The following CCDC149 variants were observed in gnomAD, a reference collection of about 807,000 sequenced individuals.
CCDC149 encodes the protein coiled-coil domain containing 149, also known as coiled-coil domain-containing protein 149.
In CCDC149, 45 loss-of-function variants were observed where a neutral mutation model predicts 59.9. The ratio of observed to expected loss-of-function variants is 0.75; its 90% CI spans 0.59 to 0.96. The LOEUF is 0.96. Among genes scored for constraint, CCDC149 ranks in the 40% least tolerant of loss-of-function variants. The probability of loss-of-function intolerance (pLI) is 0.00; values close to 1 mark genes in which losing one functional copy is unlikely to be tolerated. For synonymous variants in CCDC149, 245 were observed against 260.6 expected, an observed-to-expected ratio of 0.94 and a Z score of 0.58; for missense variants, 584 against 664.7, an observed-to-expected ratio of 0.88 and a Z score of 1.33.
intron 1 of CCDC149, among the ~76,000 whole-genome samples, chr4:24,898,284 G>C (rs150579080): frequency 4.2e-4 from 64 of 152,290 alleles, no homozygotes; most frequent in Non-Finnish European, 6.9e-4. Context: ...TTAACCGAGA[G>C]ACACAGGTAG....
chr4:24,965,864 C>T (rs1723780398), intron 1 of CCDC149, among the ~76,000 whole-genome samples: 2 of 152,336 alleles, frequency 1.3e-5, no homozygotes, highest in Middle Eastern at 3.4e-3. Flanking sequence ...GCGCAAAACC[C>T]CGCACGTTAT....
intron 1 of CCDC149, among the ~76,000 whole-genome samples, chr4:24,889,039 G>A (rs1308623091): frequency 6.6e-6 from 1 of 152,052 alleles, no homozygotes; most frequent in Non-Finnish European, 1.5e-5. Context: ...AAATTTAAGT[G>A]AGATTTCAGG....
intron 1 of CCDC149, among the ~76,000 whole-genome samples, chr4:24,891,768 G>A (rs1285515923): frequency 6.6e-6 from 1 of 152,158 alleles, no homozygotes; most frequent in African/African-American, 2.4e-5. Flanking sequence ...GGAGGCCAAG[G>A]CAGGAGGATT....
chr4:24,968,864 T>C (rs1406237255), intron 1 of CCDC149, among the ~76,000 whole-genome samples: 2 of 152,170 alleles, frequency 1.3e-5, no homozygotes, highest in Admixed American at 1.3e-4. Flanking sequence ...CACCAACCCA[T>C]TTGGGGGCAA....
intron 1 of CCDC149, among the ~76,000 whole-genome samples, chr4:24,888,224 T>C (rs1455224594): frequency 1.3e-5 from 2 of 152,348 alleles, no homozygotes; most frequent in East Asian, 3.9e-4. Context: ...GTGTGCTGAA[T>C]ACATATTTAA....
At chr4:24,841,003 A>G (rs1716900697) in intron 4 of CCDC149, among the ~76,000 whole-genome samples, 1 of 152,206 alleles carries the variant, frequency 6.6e-6, no homozygotes, top group African/African-American at 2.4e-5. Flanking sequence ...ATTTGTAGCA[A>G]AACTGGTCAT....
chr4:24,931,356 A>T (rs374128304), intron 1 of CCDC149, among the ~76,000 whole-genome samples: 4 of 141,484 alleles, frequency 2.8e-5, no homozygotes, highest in African/African-American at 1.2e-4. Context: ...AGGCTATGCC[A>T]CAGAGCAAAA....
At chr4:24,926,953 C>T (rs1281983700) in intron 1 of CCDC149, among the ~76,000 whole-genome samples, 3 of 152,166 alleles carry the variant, frequency 2.0e-5, no homozygotes, top group Admixed American at 6.5e-5. Flanking sequence ...ACAGGCAGCA[C>T]GGCTCCTAGT....
chr4:24,939,611 A>T (rs1174524923), intron 1 of CCDC149, among the ~76,000 whole-genome samples: 1 of 152,184 alleles, frequency 6.6e-6, no homozygotes, highest in Admixed American at 6.5e-5. Context: ...TAAAGGAGGA[A>T]GTTCAAACCA....
chr4:24,867,031 C>T (rs190207060), intron 3 of CCDC149, among the ~76,000 whole-genome samples: 126 of 152,170 alleles, frequency 8.3e-4, no homozygotes, highest in Admixed American at 2.7e-3. Context: ...GTCTAAGAAT[C>T]GAATATAGAA....
chr4:24,912,700 A>G (rs866028450), intron 1 of CCDC149, 117 bp downstream of exon 1: 1 of 663,116 alleles, frequency 1.5e-6, no homozygotes, highest in African/African-American at 1.9e-5. Flanking sequence ...AGCCGCGGCC[A>G]CTTGGAGTGC....
chr4:24,894,936 G>T, intron 1 of CCDC149: 3 of 1,532,900 alleles, frequency 2.0e-6, no homozygotes, highest in South Asian at 1.2e-5. Flanking sequence ...GAAAAATACA[G>T]CAGGTATTTA....
chr4:24,964,184 A>G (rs1439031759), intron 1 of CCDC149, among the ~76,000 whole-genome samples: 2 of 96,138 alleles, frequency 2.1e-5, no homozygotes, highest in Admixed American at 1.1e-4. Context: ...ACAGAGTGAG[A>G]CCCTATCTAA....
At chr4:24,969,398 T>C (rs1472296933) in intron 1 of CCDC149, among the ~76,000 whole-genome samples, 1 of 152,158 alleles carries the variant, frequency 6.6e-6, no homozygotes, top group East Asian at 1.9e-4. Flanking sequence ...CTTCTGGCCA[T>C]TGAGAGTGAT....
chr4:24,878,216 T>TAA (rs66494953), intron 1 of CCDC149, among the ~76,000 whole-genome samples: 5,169 of 124,794 alleles, frequency 0.041, 233 homozygotes, highest in East Asian at 0.18. Context: ...TTTTTTTTCC[T>TAA]AAAAAAAAAA....
intron 1 of CCDC149, among the ~76,000 whole-genome samples, chr4:24,897,902 T>C (rs1212054999): frequency 6.6e-6 from 1 of 152,088 alleles, no homozygotes; most frequent in Non-Finnish European, 1.5e-5. Context: ...CCAGAGAATG[T>C]TGGGAAGGAA....
At chr4:24,907,313 T>A (rs1447342802) in intron 1 of CCDC149, among the ~76,000 whole-genome samples, 1 of 152,170 alleles carries the variant, frequency 6.6e-6, no homozygotes, top group Non-Finnish European at 1.5e-5. Flanking sequence ...AGTTACATGG[T>A]GCAGTCATTC....
At chr4:24,973,278 G>A in intron 1 of CCDC149, among the ~76,000 whole-genome samples, 1 of 152,224 alleles carries the variant, frequency 6.6e-6, no homozygotes, top group South Asian at 2.1e-4. Flanking sequence ...AGCACCTCTT[G>A]GGACTGTGCC....
Position 24,814,797 on chromosome 4 carries a change from T to G in CCDC149, c.1192+5062A>C, listed in dbSNP as rs576178768. 2.0e-5 allele frequency among the ~76,000 whole-genome samples: 3 copies of G among 152,280 alleles called. No individual in the cohort carries two copies. The East Asian group carries it at 5.8e-4, about 29-fold the overall frequency. ...CCACGACTCAACATCCATCTACATT[T>G]CTACCTGGCAAACCAACTCCTCTCC... On this transcript the variant is annotated intron_variant, in intron 12 of 12. Transcript: ENST00000635206.
Sources: allele counts gnomAD v4.1 joint callset (sites outside exome capture counted in the v4.1 genomes callset), GRCh38; gene constraint gnomAD v4.1.1; transcripts MANE v1.5; gene names NCBI Gene and HGNC (gene_info 2026-07-23, HGNC 2026-07-21).